Variants in DSE observed in about 807,000 individuals in gnomAD.
The protein encoded by DSE is dermatan-sulfate epimerase.
In DSE, 36 loss-of-function variants were observed where a neutral mutation model predicts 84.4. That is an observed-to-expected ratio of 0.43 (90% CI 0.33 to 0.56). The LOEUF (loss-of-function observed/expected upper bound fraction) is 0.56. DSE is among the 20% of genes least tolerant of loss of function. DSE has a pLI of 0.06. For synonymous variants in DSE, 410 were observed against 430.1 expected, an observed-to-expected ratio of 0.95 and a Z score of 0.58; for missense variants, 862 against 1,169.6, an observed-to-expected ratio of 0.74 and a Z score of 3.84.
chr6:116,360,769 C>G (rs150713723), intron 2 of DSE, among the ~76,000 whole-genome samples: 1 of 152,196 alleles, frequency 6.6e-6, no homozygotes, highest in African/African-American at 2.4e-5. Context: ...TTACTTATTC[C>G]TCTGTGATGA....
intron 2 of DSE, among the ~76,000 whole-genome samples, chr6:116,317,446 A>G (rs1007773314): frequency 6.6e-6 from 1 of 152,214 alleles, no homozygotes; most frequent in African/African-American, 2.4e-5. Context: ...TTCCAGAATA[A>G]TTTCTCTTTA....
chr6:116,350,032 T>TA (rs1170381608), intron 2 of DSE, among the ~76,000 whole-genome samples: 2 of 152,180 alleles, frequency 1.3e-5, no homozygotes, highest in African/African-American at 4.8e-5. Context: ...ATAGTCTTTT[T>TA]AAAAAAATAC....
intron 2 of DSE, among the ~76,000 whole-genome samples, chr6:116,309,698 G>A (rs1186842682): frequency 1.3e-5 from 2 of 152,240 alleles, no homozygotes; most frequent in African/African-American, 4.8e-5. Context: ...CAGTGAAGAC[G>A]TGGCCTTGAA....
At chr6:116,279,875 C>T (rs1202494108) in intron 2 of DSE, 1 of 1,612,948 alleles carries the variant, frequency 6.2e-7, no homozygotes, top group East Asian at 2.2e-5. Context: ...CCGTTTTCCT[C>T]AGAGGCCGAA....
At chr6:116,409,841 G>A (rs1782195503) in intron 2 of DSE, among the ~76,000 whole-genome samples, 1 of 152,162 alleles carries the variant, frequency 6.6e-6, no homozygotes, top group Admixed American at 6.5e-5. Context: ...AGTCCTGAAG[G>A]ACAGATAGGA....
intron 2 of DSE, among the ~76,000 whole-genome samples, chr6:116,294,023 T>C (rs766143029): frequency 5.3e-5 from 8 of 151,982 alleles, no homozygotes; most frequent in Non-Finnish European, 1.0e-4. Flanking sequence ...AAAAATTTAT[T>C]ATTTTATTTT....
rs140132734 is a variant in DSE, at chr6:116,379,229, G to C, written c.-54+8108G>C. On this transcript the variant is annotated intron_variant, in intron 1 of 5. Transcript: ENST00000644252. ...TGCACTCTGAGCTGATAATGGGTCA[G>C]TGGGCTTGAAGGATGCCAAGAAATG... Among the ~76,000 whole-genome samples the C allele has an allele frequency of 4.0e-3, 613 of 152,258 alleles. 6 individuals carry two copies. The highest frequency in any genetic ancestry group is 0.014 in the African/African-American group (594 of 41,556).
At chr6:116,289,711 C>T (rs1470124349) in intron 2 of DSE, among the ~76,000 whole-genome samples, 1 of 152,026 alleles carries the variant, frequency 6.6e-6, no homozygotes, top group Non-Finnish European at 1.5e-5. Context: ...TTACTACTTT[C>T]CACATACAAA....
rs530290125 is a variant in DSE at position 116,348,550 on chromosome 6, T to G, written c.-53-50648T>G. On this transcript the variant is annotated intron_variant, in intron 2 of 3. Coordinates refer to the DSE transcript ENST00000430252. ...TGGGACTGTAAAGTAGTTCAACCAT[T>G]GTGGAAGACAGTGTGGCGATTCCTC... Among the ~76,000 whole-genome samples, 25 of 152,256 alleles carry G rather than the reference T, an allele frequency of 1.6e-4. No homozygotes were observed. In the South Asian group the frequency reaches 3.9e-3, roughly 24 times the overall value.
At chr6:116,396,408 G>A (rs893711128) in intron 1 of DSE, among the ~76,000 whole-genome samples, 1 of 152,332 alleles carries the variant, frequency 6.6e-6, no homozygotes, top group Middle Eastern at 3.4e-3. Context: ...TACACCATTT[G>A]TGGTATTGAG....
intron 2 of DSE, among the ~76,000 whole-genome samples, chr6:116,320,654 T>C (rs1039046109): frequency 2.6e-5 from 4 of 152,132 alleles, no homozygotes; most frequent in African/African-American, 7.2e-5. Flanking sequence ...ACCAGCAGCA[T>C]TGGTTTCCTC....
At chr6:116,408,644 A>G (rs1393441550) in intron 2 of DSE, among the ~76,000 whole-genome samples, 1 of 152,300 alleles carries the variant, frequency 6.6e-6, no homozygotes, top group East Asian at 1.9e-4. Flanking sequence ...TCAGCCTGTA[A>G]TCACAGAGAC....
intron 2 of DSE, among the ~76,000 whole-genome samples, chr6:116,347,401 T>C (rs867379927): frequency 9.3e-5 from 14 of 150,484 alleles, no homozygotes; most frequent in South Asian, 2.2e-4. Flanking sequence ...CAAAACAGCA[T>C]GGTACTGGTA....
intron 2 of DSE, among the ~76,000 whole-genome samples, chr6:116,293,156 CAT>C (rs1451239875): frequency 1.3e-5 from 2 of 152,122 alleles, no homozygotes; most frequent in African/African-American, 2.4e-5. Flanking sequence ...AAGAAAATAA[CAT>C]AAACGAACAC....
At chr6:116,360,308 C>T (rs1013824841) in intron 2 of DSE, among the ~76,000 whole-genome samples, 1 of 152,036 alleles carries the variant, frequency 6.6e-6, no homozygotes, top group Non-Finnish European at 1.5e-5. Flanking sequence ...ACCTATGTCA[C>T]AAAACACATC....
chr6:116,367,264 C>G (rs1779217192), upstream of DSE: 1 of 152,164 alleles, frequency 6.6e-6, no homozygotes, highest in Non-Finnish European at 1.5e-5. Flanking sequence ...CCAAAATGAT[C>G]TTACTTCTTC....
At chr6:116,379,493 C>T (rs183188742) in intron 1 of DSE, among the ~76,000 whole-genome samples, 36 of 152,104 alleles carry the variant, frequency 2.4e-4, no homozygotes, top group Non-Finnish European at 2.9e-5. Flanking sequence ...TTAATTCTTC[C>T]GTAAGTTAGA....
At chr6:116,294,343 C>T (rs915671283) in intron 2 of DSE, among the ~76,000 whole-genome samples, 1 of 152,138 alleles carries the variant, frequency 6.6e-6, no homozygotes, top group African/African-American at 2.4e-5. Context: ...TTATATGGAA[C>T]ACTTAGAAGC....
At chr6:116,370,632 A>AACTAG (rs1354002575), upstream of DSE, 1 of 732,264 alleles carries the variant, frequency 1.4e-6, no homozygotes, top group Non-Finnish European at 1.7e-6. Flanking sequence ...GAGTCCTAAG[A>AACTAG]AACTAGAACA....
Sources: allele counts gnomAD v4.1 joint callset (sites outside exome capture counted in the v4.1 genomes callset), GRCh38; gene constraint gnomAD v4.1.1; transcripts MANE v1.5; gene names NCBI Gene and HGNC (gene_info 2026-07-23, HGNC 2026-07-21).